The following PRIMPOL variants were observed in gnomAD, a reference collection of about 807,000 sequenced individuals.
The protein encoded by PRIMPOL is DNA-directed primase/polymerase protein.
PRIMPOL carries 54 observed loss-of-function variants against 63.6 expected under a neutral mutation model. That is an observed-to-expected ratio of 0.85 (90% confidence interval 0.68 to 1.07). The LOEUF is 1.07. Among genes scored for constraint, PRIMPOL ranks in the 50% least tolerant of loss-of-function variants. The probability of loss-of-function intolerance (pLI) is 0.00; values close to 1 mark genes in which losing one functional copy is unlikely to be tolerated. For synonymous variants in PRIMPOL, 197 were observed against 220.2 expected (o/e 0.89, Z 0.93); for missense variants, 610 against 648.3 (o/e 0.94, Z 0.64).
intron 6 of PRIMPOL, among the ~76,000 whole-genome samples, chr4:184,669,144 A>G (rs1220575164): frequency 6.6e-6 from 1 of 152,162 alleles, no homozygotes; most frequent in Middle Eastern, 3.2e-3. Context: ...TGCACAACAA[A>G]GGCTTTTTAA....
At chr4:184,659,120 T>C (rs974196420) in intron 3 of PRIMPOL, among the ~76,000 whole-genome samples, 2 of 152,206 alleles carry the variant, frequency 1.3e-5, no homozygotes, top group African/African-American at 4.8e-5. Context: ...CATATTCTAA[T>C]TGTTTTCACC....
chr4:184,674,978 TC>T (rs1752900477), intron 7 of PRIMPOL, among the ~76,000 whole-genome samples: 1 of 152,162 alleles, frequency 6.6e-6, no homozygotes, highest in African/African-American at 2.4e-5. Flanking sequence ...CTTCATATGG[TC>T]CCATGGTGTT....
intron 6 of PRIMPOL, among the ~76,000 whole-genome samples, chr4:184,671,694 A>G (rs1751670841): frequency 6.6e-6 from 1 of 152,076 alleles, no homozygotes; most frequent in South Asian, 2.1e-4. Context: ...AGATTTCACA[A>G]AAGGAAGTCA....
In PRIMPOL at chr4:184,661,824, A is replaced by C. The variant is rs1748409010; in HGVS notation, c.329A>C (p.Lys110Thr). 1.2e-6 allele frequency: 2 copies of C among 1,613,656 alleles called. No individual in the cohort carries two copies. Among genetic ancestry groups the C allele is most frequent in the Non-Finnish European group, 8.5e-7 (1 of 1,179,774 alleles). ...YEVIPENAVC[K>T]LYFDLEFNKP... Reference sequence around the variant, plus strand: ...GTTATTCCTGAAAATGCTGTGTGCAAGCTTTATTTTGATTTGGAATTTAAC... The same window carrying C: ...GTTATTCCTGAAAATGCTGTGTGCACGCTTTATTTTGATTTGGAATTTAAC... Residue 110 changes from lysine to threonine, a missense_variant, in exon 5 of 14, where the codon AAG becomes ACG. Lys to Thr is a moderately conservative substitution (Grantham distance 78, BLOSUM62 -1). Around this residue, in one of 3 missense-constraint regions of PRIMPOL, gnomAD observed 159 missense variants for 168.9 expected, o/e 0.94. Transcript: ENST00000314970.
chr4:184,665,862 A>G, intron 5 of PRIMPOL, 55 bp from the exon 6 acceptor site: 2 of 1,224,312 alleles, frequency 1.6e-6, no homozygotes, highest in South Asian at 3.2e-5. Context: ...TATTGCTTAT[A>G]GAAAAATTTT....
At chr4:184,691,990 A>G (rs1758692690) in intron 13 of PRIMPOL, among the ~76,000 whole-genome samples, 1 of 152,156 alleles carries the variant, frequency 6.6e-6, no homozygotes, top group African/African-American at 2.4e-5. Flanking sequence ...TCAAAGTAAC[A>G]AAATACCCAT....
chr4:184,679,454 G>C (rs1205669216), intron 8 of PRIMPOL, among the ~76,000 whole-genome samples: 1 of 152,052 alleles, frequency 6.6e-6, no homozygotes, highest in Non-Finnish European at 1.5e-5. Context: ...AGACCCCATT[G>C]CTAAAAACTA....
intron 7 of PRIMPOL, among the ~76,000 whole-genome samples, chr4:184,672,936 C>T (rs1187404738): frequency 6.6e-6 from 1 of 152,166 alleles, no homozygotes; most frequent in African/African-American, 2.4e-5. Context: ...TTTCTTAACC[C>T]AGTGTGGTTT....
At chr4:184,687,420 T>C (rs2705887) in intron 11 of PRIMPOL, among the ~76,000 whole-genome samples, 147,529 of 152,152 alleles carry the variant, frequency 0.97, 71,695 homozygotes, top group East Asian at 1. Context: ...GACCACCTGT[T>C]GTATCTGCCG....
intron 8 of PRIMPOL, among the ~76,000 whole-genome samples, chr4:184,681,530 G>A (rs760045280): frequency 4.6e-5 from 7 of 151,688 alleles, no homozygotes; most frequent in Non-Finnish European, 1.0e-4. Context: ...TTTTTAATTT[G>A]TATTATTTTT....
intron 2 of PRIMPOL, among the ~76,000 whole-genome samples, chr4:184,654,560 C>T (rs1489071759): frequency 1.3e-5 from 2 of 149,500 alleles, no homozygotes; most frequent in Non-Finnish European, 3.0e-5. Flanking sequence ...ACGCCATTCT[C>T]CTGCCTCAGC....
intron 8 of PRIMPOL, among the ~76,000 whole-genome samples, chr4:184,680,401 C>T (rs1015666824): frequency 3.9e-5 from 6 of 152,188 alleles, no homozygotes; most frequent in South Asian, 2.1e-4. Flanking sequence ...TTGGGGGGGC[C>T]GGTCTCAAAC....
At chr4:184,669,642 C>T (rs75305316) in intron 6 of PRIMPOL, among the ~76,000 whole-genome samples, 2,082 of 152,304 alleles carry the variant, frequency 0.014, 20 homozygotes, top group Non-Finnish European at 0.023. Context: ...AGATGGCATT[C>T]ATCTGGGCTT....
intron 8 of PRIMPOL, among the ~76,000 whole-genome samples, chr4:184,680,617 T>C (rs1755367939): frequency 1.3e-5 from 2 of 152,222 alleles, no homozygotes; most frequent in Admixed American, 6.5e-5. Context: ...GGATTGTTTT[T>C]CTTCATATAT....
intron 11 of PRIMPOL, among the ~76,000 whole-genome samples, chr4:184,685,887 C>T (rs533897224): frequency 3.9e-5 from 6 of 152,232 alleles, no homozygotes; most frequent in Admixed American, 6.5e-5. Context: ...GTGCAACCTC[C>T]GCCTCCTGGG....
intron 6 of PRIMPOL, among the ~76,000 whole-genome samples, chr4:184,669,986 T>A (rs1751134093): frequency 6.6e-6 from 1 of 152,272 alleles, no homozygotes; most frequent in Admixed American, 6.5e-5. Context: ...ATCATAGATC[T>A]TGATCTGCCT....
rs115510037 is a variant in PRIMPOL at position 184,690,320 on chromosome 4, C to T, written c.1296-1179C>T. Among the ~76,000 whole-genome samples, 1,062 of 149,914 alleles carry T rather than the reference C, an allele frequency of 7.1e-3. 16 individuals carry two copies. The highest frequency in any genetic ancestry group is 0.025 in the African/African-American group (1,033 of 41,416). ...ATTGTTTTCTTAAAAACATATGATG[C>T]ATTTAATTTCTAATAACATTTGTGT... On this transcript the variant is annotated intron_variant, in intron 11 of 13. Transcript: ENST00000314970.
Position 184,688,439 on chromosome 4 carries a change from A to G in PRIMPOL, c.1295+2755A>G, listed in dbSNP as rs7675995. On this transcript the variant is annotated intron_variant, in intron 11 of 13. Transcript: ENST00000314970. Reference sequence around the variant, plus strand: ...TAATGAAGTTGAGGATGGATAATCAAATTACATCCACACAGATCAGAAATC... The same window carrying G: ...TAATGAAGTTGAGGATGGATAATCAGATTACATCCACACAGATCAGAAATC... Among the ~76,000 whole-genome samples, 1,377 of 152,320 alleles carry G rather than the reference A, an allele frequency of 9.0e-3. 20 individuals are homozygous for G. Among genetic ancestry groups the G allele is most frequent in the African/African-American group, 0.032 (1,322 of 41,572 alleles).
chr4:184,678,623 G>A (rs556410298), intron 8 of PRIMPOL, among the ~76,000 whole-genome samples: 8 of 151,322 alleles, frequency 5.3e-5, no homozygotes, highest in African/African-American at 1.5e-4. Flanking sequence ...TGCCTCCCGG[G>A]TTCATGCCAT....
Sources: allele counts gnomAD v4.1 joint callset (sites outside exome capture counted in the v4.1 genomes callset), GRCh38; gene constraint gnomAD v4.1.1; regional missense constraint gnomAD v4.1.1; transcripts MANE v1.5; gene names NCBI Gene and HGNC (gene_info 2026-07-23, HGNC 2026-07-21).